HDLBP: variants seen among roughly 807,000 people sequenced by gnomAD.
HDLBP encodes vigilin.
In HDLBP, 30 loss-of-function variants were observed where a neutral mutation model predicts 137.3. That is an observed-to-expected ratio of 0.22 (90% confidence interval 0.16 to 0.30). The LOEUF (loss-of-function observed/expected upper bound fraction) is 0.30, where lower values mean the gene tolerates loss of function less well. Among genes scored for constraint, HDLBP ranks in the 10% least tolerant of loss-of-function variants. The pLI, the probability that HDLBP is intolerant of heterozygous loss-of-function variation, is 1.00. For synonymous variants in HDLBP, 606 were observed against 596.0 expected (o/e 1.02, Z -0.24); for missense variants, 1,119 against 1,667.3 (o/e 0.67, Z 5.73).
At chr2:241,302,692 A>C (rs2075435644) in intron 1 of HDLBP, 1 of 152,276 alleles carries the variant, frequency 6.6e-6, no homozygotes, top group Non-Finnish European at 1.5e-5. Context: ...CCTTTTCTCC[A>C]GTTTCCCCAT....
chr2:241,294,048 A>G (rs1327624113), intron 1 of HDLBP, among the ~76,000 whole-genome samples: 3 of 152,190 alleles, frequency 2.0e-5, no homozygotes, highest in Admixed American at 1.3e-4. Context: ...AAGAACACAC[A>G]CCCGAGATTA....
intron 20 of HDLBP, among the ~76,000 whole-genome samples, chr2:241,237,583 G>A (rs1180117839): frequency 2.0e-5 from 3 of 152,240 alleles, no homozygotes; most frequent in South Asian, 2.1e-4. Context: ...TTTGAATACC[G>A]ACAACATATT....
At chr2:241,299,395 TA>T (rs2075307653) in intron 1 of HDLBP, among the ~76,000 whole-genome samples, 1 of 148,740 alleles carries the variant, frequency 6.7e-6, no homozygotes, top group East Asian at 2.0e-4. Context: ...CGTGCATCTG[TA>T]GTACCAGCTA....
At chr2:241,244,202 A>C (rs2071496056) in intron 16 of HDLBP, among the ~76,000 whole-genome samples, 1 of 152,172 alleles carries the variant, frequency 6.6e-6, no homozygotes, top group South Asian at 2.1e-4. Context: ...CCTCAACTCA[A>C]ATAAACAGAG....
chr2:241,305,596 G>A (rs1304707347), intron 1 of HDLBP, among the ~76,000 whole-genome samples: 1 of 152,094 alleles, frequency 6.6e-6, no homozygotes, highest in Non-Finnish European at 1.5e-5. Flanking sequence ...AAGCATCTCT[G>A]GCCACAACCA....
intron 1 of HDLBP, among the ~76,000 whole-genome samples, chr2:241,296,036 T>C (rs561243797): frequency 1.4e-3 from 205 of 151,642 alleles, no homozygotes; most frequent in Non-Finnish European, 2.5e-3. Flanking sequence ...AGGATATTTT[T>C]TTAACTCTAA....
intron 14 of HDLBP, chr2:241,247,512 A>G (rs964409586): frequency 7.0e-6 from 2 of 287,736 alleles, no homozygotes; most frequent in African/African-American, 2.1e-5. Context: ...GTCCTTCACC[A>G]TCGCCTCTCC....
intron 1 of HDLBP, among the ~76,000 whole-genome samples, chr2:241,284,265 C>G (rs927876059): frequency 1.3e-5 from 2 of 152,210 alleles, no homozygotes; most frequent in East Asian, 1.9e-4. Context: ...TGGGCAAAGT[C>G]CATTGAAAAC....
chr2:241,233,873 G>A lies in HDLBP; in HGVS notation c.3235C>T (p.Arg1079Trp), dbSNP rs1212191858. The A allele has an allele frequency of 1.9e-6, 3 of 1,614,188 alleles. No individual in the cohort carries two copies. Among genetic ancestry groups the A allele is most frequent in the Non-Finnish European group, 2.5e-6 (3 of 1,180,028 alleles). The change falls in exon 24 of 28, where the codon CGG (arginine) becomes TGG (tryptophan). Residue 1079 changes from arginine (R) to tryptophan (W), a missense_variant. Arg to Trp is a moderately radical substitution (Grantham distance 101). Around this residue, in one of 4 missense-constraint regions of HDLBP, gnomAD observed 618 missense variants for 816.7 expected, o/e 0.76. Coordinates refer to ENST00000310931, the MANE Select transcript of HDLBP (RefSeq NM_005336.6). This position sits in a 1 kb window ranked among gnomAD's most constrained non-coding sequence, Gnocchi z 4.3. ...GRKGAVITQI[R>W]LEHDVNIQFP... ...TGGATGTTCACGTCATGCTCCAACC[G>A]GATTTGGGTAATTACTGCCCCCTTT...
At chr2:241,241,170 A>C (rs142858319) in intron 17 of HDLBP, among the ~76,000 whole-genome samples, 1 of 152,122 alleles carries the variant, frequency 6.6e-6, no homozygotes, top group Admixed American at 6.5e-5. Context: ...CAAAAACATC[A>C]ATCTAATAAC....
At position 241,251,891 on chromosome 2, in the gene HDLBP, C is replaced by T. The variant is rs184992481; in HGVS notation, c.1372+1066G>A. On this transcript the variant is annotated intron_variant, in intron 11 of 27. Transcript: ENST00000310931. ...ACTTGGGAGGCTGAGGCAGGAGAAT[C>T]GCTTGAACCTGGGAGGTGGACGTTG... Among the ~76,000 whole-genome samples, 166 of 152,236 alleles carry T rather than the reference C, an allele frequency of 1.1e-3. 1 individual carries two copies. Among genetic ancestry groups the T allele is most frequent in the Admixed American group, 6.8e-3 (104 of 15,290 alleles).
In HDLBP at chr2:241,240,091, G is replaced by A; in HGVS notation, c.2201C>T (p.Ala734Val). 1.2e-6 allele frequency: 2 copies of A among 1,614,152 alleles called. No homozygotes were observed. Among genetic ancestry groups the A allele is most frequent in the Non-Finnish European group, 1.7e-6 (2 of 1,180,038 alleles). Reference protein sequence around the residue: ...QTKSFTVDIRAKPEYHKFLIG... With the variant: ...QTKSFTVDIRVKPEYHKFLIG... ...GAGGAATTTGTGGTATTCTGGCTTG[G>A]CGCGGATGTCAACAGTGAAACTCTT... The change falls in exon 18 of 28, where the codon GCC (alanine) becomes GTC (valine). Residue 734 changes from alanine to valine, a missense_variant. Physicochemically the swap from Ala to Val is moderately conservative, Grantham distance 64. Transcript: ENST00000310931. The surrounding 1 kb of genome is among the most constrained non-coding windows in gnomAD (Gnocchi z 5.5).
At chr2:241,263,924 T>C (rs917435996) in intron 4 of HDLBP, among the ~76,000 whole-genome samples, 1 of 151,972 alleles carries the variant, frequency 6.6e-6, no homozygotes, top group Admixed American at 6.6e-5. Context: ...GACAGAAACA[T>C]CTCTGGGGTG....
intron 1 of HDLBP, among the ~76,000 whole-genome samples, chr2:241,301,489 TTCGGA>T (rs1328551768): frequency 2.0e-5 from 3 of 152,156 alleles, no homozygotes; most frequent in Non-Finnish European, 4.4e-5. Context: ...ATAAAACACA[TTCGGA>T]TGATGCAGTG....
At chr2:241,305,766 T>TG (rs771685028) in intron 1 of HDLBP, among the ~76,000 whole-genome samples, 16,631 of 150,826 alleles carry the variant, frequency 0.11, 1,148 homozygotes, top group Non-Finnish European at 0.15. Context: ...ATTTGTTTTT[T>TG]TTTTTTTTTT....
In HDLBP at chr2:241,272,309, C is replaced by A; in HGVS notation, c.-102-3768G>T. On this transcript the variant is annotated intron_variant, in intron 1 of 27. Coordinates refer to ENST00000310931, the MANE Select transcript of HDLBP (RefSeq NM_005336.6). The surrounding 1 kb of genome is among the most constrained non-coding windows in gnomAD (Gnocchi z 5.6). ...GGACCCCCACCCTGGCCGCACACGG[C>A]GCCCCCGCCGGAGCGGGGGAGGGGA... The A allele has an allele frequency of 1.0e-6, 1 of 983,044 alleles. No homozygotes were observed. The highest frequency in any genetic ancestry group is 1.2e-6 in the Non-Finnish European group (1 of 828,158). 60.9% of individuals were successfully genotyped at this position (983,044 alleles called of 1,614,324 possible).
At chr2:241,267,088 G>A (rs1266446025) in intron 2 of HDLBP, among the ~76,000 whole-genome samples, 182 bp from the exon 3 acceptor site, 1 of 152,112 alleles carries the variant, frequency 6.6e-6, no homozygotes, top group African/African-American at 2.4e-5. Flanking sequence ...ATAAAAAGGG[G>A]GGAAAATGCA....
Position 241,265,144 on chromosome 2 carries a change from C to T in HDLBP, c.77-539G>A, listed in dbSNP as rs575260372. On this transcript the variant is annotated intron_variant, in intron 3 of 27. Coordinates refer to ENST00000310931, the MANE Select transcript of HDLBP (RefSeq NM_005336.6). ...AAAAATGATTGCCGTGGAGGCCGGG[C>T]GTGGTGGCTCACACCTGTAATCCCA... 1.7e-4 allele frequency among the ~76,000 whole-genome samples: 26 copies of T among 152,316 alleles called. No homozygotes were observed. The South Asian group carries it at 4.8e-3, about 28-fold the overall frequency.
At chr2:241,284,917 C>T (rs568422640) in intron 1 of HDLBP, among the ~76,000 whole-genome samples, 1 of 152,310 alleles carries the variant, frequency 6.6e-6, no homozygotes, top group East Asian at 1.9e-4. Flanking sequence ...CTCAGTTGCC[C>T]AGACTGGAGT....
Sources: gnomAD v4.1 joint callset for allele counts (sites outside exome capture counted in the v4.1 genomes callset) on GRCh38, gnomAD v4.1.1 for gene constraint, gnomAD v4.1.1 regional missense constraint, Gnocchi (gnomAD v3.1) non-coding constraint, MANE v1.5 for transcripts, NCBI Gene and HGNC (gene_info 2026-07-23, HGNC 2026-07-21) for gene names.